RREB1: variants seen among roughly 807,000 people sequenced by gnomAD.
RREB1 encodes ras-responsive element-binding protein 1.
RREB1 carries 27 observed loss-of-function variants against 117.8 expected under a neutral mutation model. The observed-to-expected ratio is 0.23, with a 90% CI of 0.17 to 0.32. The LOEUF (loss-of-function observed/expected upper bound fraction) is 0.32. RREB1 is among the 10% of genes least tolerant of loss of function. The pLI is 1.00. For missense variants in RREB1, 2,577 were observed against 2,378.2 expected (o/e 1.08, Z -1.74); for synonymous variants, 1,298 against 1,026.7 (o/e 1.26, Z -5.05).
chr6:7,147,650 A>G (rs1461282414), intron 1 of RREB1, among the ~76,000 whole-genome samples: 1 of 152,212 alleles, frequency 6.6e-6, no homozygotes, highest in African/African-American at 2.4e-5. Context: ...TGCCTCCATC[A>G]AGCTTCTTTG....
At chr6:7,202,086 C>T (rs12201926) in intron 6 of RREB1, among the ~76,000 whole-genome samples, 58 of 152,134 alleles carry the variant, frequency 3.8e-4, no homozygotes, top group African/African-American at 1.3e-3. Flanking sequence ...GTTCCCCTTT[C>T]CTTGCCAGCA....
chr6:7,158,218 C>G (rs1027989192), intron 1 of RREB1, among the ~76,000 whole-genome samples: 3 of 152,048 alleles, frequency 2.0e-5, no homozygotes, highest in Non-Finnish European at 4.4e-5. Flanking sequence ...GTGGCCAGAG[C>G]GACTCTCTTC....
chr6:7,122,662 A>G (rs141974712), intron 1 of RREB1, among the ~76,000 whole-genome samples: 55 of 152,384 alleles, frequency 3.6e-4, no homozygotes, highest in African/African-American at 1.3e-3. Flanking sequence ...AGCTTGGTGA[A>G]GAGATGGCTG....
In RREB1 at chr6:7,240,575, A is replaced by T. The variant is rs750274843; in HGVS notation, c.3946A>T (p.Ser1316Cys). ...CGGGCTTATCCCCCAGTCAAAAGAG[A>T]GTGATGTTGGATCCCATGATAGCAC... ...RNGLIPQSKE[S>C]DVGSHDSTDS... is the part of the protein sequence containing the mutation. The change falls in exon 11 of 13, where the codon AGT becomes TGT. Residue 1316 changes from serine (S) to cysteine (C), a missense_variant. Physicochemically the swap from Ser to Cys is moderately radical, Grantham distance 112. Transcript: ENST00000379938. 3.1e-6 allele frequency: 5 copies of T among 1,613,646 alleles called. No individual in the cohort carries two copies. Among genetic ancestry groups the T allele is most frequent in the Non-Finnish European group, 4.2e-6 (5 of 1,179,836 alleles).
chr6:7,179,687 G>T (rs1327943293), intron 2 of RREB1, among the ~76,000 whole-genome samples: 2 of 150,944 alleles, frequency 1.3e-5, no homozygotes, highest in African/African-American at 4.8e-5. Flanking sequence ...AGAAAAAATT[G>T]TGTGTACACA....
intron 1 of RREB1, among the ~76,000 whole-genome samples, chr6:7,135,276 T>A (rs973485854): frequency 2.0e-5 from 3 of 152,246 alleles, no homozygotes; most frequent in Non-Finnish European, 4.4e-5. Context: ...TTTCTTTCTT[T>A]TTAATCAGTA....
intron 10 of RREB1, among the ~76,000 whole-genome samples, chr6:7,235,882 C>T (rs1381378594): frequency 6.6e-6 from 1 of 152,232 alleles, no homozygotes; most frequent in Non-Finnish European, 1.5e-5. Flanking sequence ...CATGTGGCCT[C>T]AGCCTTTTCT....
intron 1 of RREB1, among the ~76,000 whole-genome samples, chr6:7,128,213 C>T (rs928407609): frequency 6.6e-6 from 1 of 152,178 alleles, no homozygotes; most frequent in Non-Finnish European, 1.5e-5. Context: ...TCATTTCCAT[C>T]ACTGAAAACA....
In RREB1 at chr6:7,251,489, CTTTTTTTTTTT is replaced by C. The variant is rs34678863; in HGVS notation, c.*2533_*2543del. ...GTTTTTTGAGGTGCAAGTTTTTTCT[CTTTTTTTTTTT>C]TTTTTTTTTTTCTCATTGATTAATG... On this transcript the variant is annotated 3_prime_UTR_variant, in exon 13 of 13. Coordinates refer to ENST00000379938, the MANE Select transcript of RREB1 (RefSeq NM_001003699.4). 2.5e-5 allele frequency: 3 copies of C among 121,354 alleles called. No individual in the cohort carries two copies. The highest frequency in any genetic ancestry group is 5.1e-4 in the South Asian group (2 of 3,884). The allele number at this position is 121,354 out of a possible 1,614,324, so 7.5% of individuals were successfully genotyped here.
intron 1 of RREB1, among the ~76,000 whole-genome samples, chr6:7,150,646 T>C (rs981456700): frequency 2.0e-5 from 3 of 152,214 alleles, no homozygotes; most frequent in African/African-American, 7.2e-5. Flanking sequence ...GTCTGACTGT[T>C]AGATGCTCAG....
intron 2 of RREB1, among the ~76,000 whole-genome samples, chr6:7,179,701 A>G (rs891440704): frequency 6.6e-6 from 1 of 152,360 alleles, no homozygotes; most frequent in Non-Finnish European, 1.5e-5. Context: ...GTACACACTC[A>G]TGTATGCACT....
At chr6:7,227,527 C>T (rs762396673) in intron 9 of RREB1, among the ~76,000 whole-genome samples, 18 of 149,492 alleles carry the variant, frequency 1.2e-4, no homozygotes, top group African/African-American at 3.5e-4. Context: ...GGCAACAGAG[C>T]GAGACTCCGT....
rs1435283442 is a variant in RREB1 at position 7,251,314 on chromosome 6, CTG to C, written c.*2349_*2350del. 6.6e-6 allele frequency: 1 copy of C among 152,006 alleles called. No individual in the cohort carries two copies. The highest frequency in any genetic ancestry group is 1.5e-5 in the Non-Finnish European group (1 of 68,008). The allele number at this position is 152,006 out of a possible 1,614,324, so 9.4% of individuals were successfully genotyped here. A position where few individuals can be genotyped will look rare whatever the true frequency, so the allele number is the denominator to read the frequency against. On this transcript the variant is annotated 3_prime_UTR_variant, in exon 13 of 13. Transcript: ENST00000379938. ...CCTTCCCCCACCCCCCAATATTAAACTGTGAAATTTGTGATTTGTTTAAACTC... is the reference window on the plus strand; with the variant it reads ...CCTTCCCCCACCCCCCAATATTAAACTGAAATTTGTGATTTGTTTAAACTC...
At chr6:7,139,797 G>T (rs1396982533) in intron 1 of RREB1, among the ~76,000 whole-genome samples, 1 of 152,062 alleles carries the variant, frequency 6.6e-6, no homozygotes. Context: ...TTAGACTTTG[G>T]AAATTTATAT....
In RREB1 at chr6:7,229,447, C is replaced by A; in HGVS notation, c.1348C>A (p.Pro450Thr). The part of the protein sequence containing the change: ...QPFQKGFIIQ[P>T]DSSIVVKPIS... ...CTTCCAGAAGGGCTTCATCATCCAG[C>A]CTGACAGCAGCATTGTGGTCAAGCC... The change falls in exon 10 of 13, where the codon CCT (proline) becomes ACT (threonine). Residue 450 changes from proline (P) to threonine (T), a missense_variant. Transcript: ENST00000379938. This position sits in a 1 kb window ranked among gnomAD's most constrained non-coding sequence, Gnocchi z 4.5. 1 of 1,614,208 alleles carries A rather than the reference C, an allele frequency of 6.2e-7. No individual in the cohort carries two copies. The highest frequency in any genetic ancestry group is 8.5e-7 in the Non-Finnish European group (1 of 1,180,028).
chr6:7,220,503 T>G (rs1767187145), intron 8 of RREB1, among the ~76,000 whole-genome samples: 1 of 152,230 alleles, frequency 6.6e-6, no homozygotes, highest in Non-Finnish European at 1.5e-5. Context: ...CAGTGGGGTT[T>G]TGTTAATTTT....
At chr6:7,234,201 G>A (rs1417425856) in intron 10 of RREB1, among the ~76,000 whole-genome samples, 2 of 152,202 alleles carry the variant, frequency 1.3e-5, no homozygotes, top group African/African-American at 4.8e-5. Context: ...GCATCTTCAA[G>A]AGAAGGTGCC....
At chr6:7,216,322 C>T (rs1244632417) in intron 8 of RREB1, 1 of 152,246 alleles carries the variant, frequency 6.6e-6, no homozygotes. Flanking sequence ...TGGGATTTTA[C>T]ATCAGAGGCT....
intron 1 of RREB1, among the ~76,000 whole-genome samples, chr6:7,139,536 T>C (rs150691427): frequency 6.6e-6 from 1 of 152,316 alleles, no homozygotes; most frequent in African/African-American, 2.4e-5. Flanking sequence ...TTAAATTTAT[T>C]TTTGCATAAA....
Sources: gnomAD v4.1 joint callset for allele counts (sites outside exome capture counted in the v4.1 genomes callset) on GRCh38, gnomAD v4.1.1 for gene constraint, Gnocchi (gnomAD v3.1) non-coding constraint, MANE v1.5 for transcripts, NCBI Gene and HGNC (gene_info 2026-07-23, HGNC 2026-07-21) for gene names.